Variants in RAP1GAP2 observed in about 807,000 individuals in gnomAD.
The protein encoded by RAP1GAP2 is RAP1 GTPase activating protein 2, also known as rap1 GTPase-activating protein 2.
Under a neutral mutation model 95.0 loss-of-function variants are expected in RAP1GAP2, and 27 were observed. The ratio of observed to expected loss-of-function variants is 0.28; its 90% CI spans 0.21 to 0.39. The LOEUF is 0.39. Among genes scored for constraint, RAP1GAP2 ranks in the 10% least tolerant of loss-of-function variants. The pLI, the probability that RAP1GAP2 is intolerant of heterozygous loss-of-function variation, is 1.00. For missense variants in RAP1GAP2, 771 were observed against 970.0 expected (o/e 0.79, Z 2.72); for synonymous variants, 373 against 380.9 (o/e 0.98, Z 0.24).
chr17:3,020,402 A>T, intron 18 of RAP1GAP2, 75 bp from the exon 19 acceptor site: 3 of 1,203,870 alleles, frequency 2.5e-6, no homozygotes, highest in Non-Finnish European at 3.6e-6. Flanking sequence ...CCATTTGTAG[A>T]CCAGGGAGGA....
rs374597833 is a variant in RAP1GAP2, at chr17:3,008,170, G to A, written c.1494+25G>A. On this transcript the variant is annotated intron_variant, in intron 17 of 24. Transcript: ENST00000254695. This position sits in a 1 kb window ranked among gnomAD's most constrained non-coding sequence, Gnocchi z 4.2. Reference sequence around the variant, plus strand: ...GGTATGAGCGTCAGAGTGACTGATGGTTGCTGTGGGGTTGGGATTGGGGAA... The same window carrying A: ...GGTATGAGCGTCAGAGTGACTGATGATTGCTGTGGGGTTGGGATTGGGGAA... 9.3e-6 allele frequency: 15 copies of A among 1,613,244 alleles called. No individual in the cohort carries two copies. The highest frequency in any genetic ancestry group is 1.3e-5 in the Non-Finnish European group (15 of 1,179,436).
At chr17:2,997,047 C>T (rs574399397) in intron 13 of RAP1GAP2, among the ~76,000 whole-genome samples, 1 of 152,290 alleles carries the variant, frequency 6.6e-6, no homozygotes, top group Non-Finnish European at 1.5e-5. Context: ...GCGATCATAG[C>T]TCACCGCGGC....
At chr17:2,917,907 C>T (rs1022694779) in intron 3 of RAP1GAP2, among the ~76,000 whole-genome samples, 13 of 147,596 alleles carry the variant, frequency 8.8e-5, no homozygotes, top group African/African-American at 3.0e-4. Flanking sequence ...GTAGAGATGG[C>T]GATTAACCAT....
chr17:2,930,485 T>A (rs1241628503), intron 3 of RAP1GAP2, among the ~76,000 whole-genome samples: 1 of 152,214 alleles, frequency 6.6e-6, no homozygotes, highest in African/African-American at 2.4e-5. Context: ...AATGGAGGCT[T>A]CTGTTACTTG....
At chr17:2,910,142 C>T (rs575943485) in intron 3 of RAP1GAP2, among the ~76,000 whole-genome samples, 61 of 152,340 alleles carry the variant, frequency 4.0e-4, no homozygotes, top group African/African-American at 1.4e-3. Flanking sequence ...CCGATTCTTT[C>T]CTTAACTTGA....
chr17:3,019,998 T>C (rs2046901553), intron 18 of RAP1GAP2, among the ~76,000 whole-genome samples: 1 of 152,208 alleles, frequency 6.6e-6, no homozygotes, highest in South Asian at 2.1e-4. Flanking sequence ...GTCTTGTTAT[T>C]GGAACGCCTG....
At chr17:2,945,067 A>G (rs942867145) in intron 3 of RAP1GAP2, among the ~76,000 whole-genome samples, 2 of 151,882 alleles carry the variant, frequency 1.3e-5, no homozygotes, top group Non-Finnish European at 1.5e-5. Flanking sequence ...AGTAGAGACG[A>G]GGTTTCACTG....
At chr17:2,926,519 G>C (rs777410449) in intron 3 of RAP1GAP2, among the ~76,000 whole-genome samples, 1 of 152,114 alleles carries the variant, frequency 6.6e-6, no homozygotes. Context: ...TCAGAGGCAC[G>C]GTGCCAGAGT....
At chr17:3,002,415 G>A (rs2046192407) in intron 14 of RAP1GAP2, among the ~76,000 whole-genome samples, 1 of 152,224 alleles carries the variant, frequency 6.6e-6, no homozygotes, top group South Asian at 2.1e-4. Context: ...GGCCAGACGT[G>A]TGAATGAGGC....
intron 3 of RAP1GAP2, among the ~76,000 whole-genome samples, chr17:2,934,989 G>A (rs186780557): frequency 1.6e-4 from 24 of 152,286 alleles, no homozygotes; most frequent in Admixed American, 5.9e-4. Context: ...AGACGGGTGG[G>A]ATTTGGCCTC....
At chr17:2,830,559 C>G (rs944755777) in intron 2 of RAP1GAP2, among the ~76,000 whole-genome samples, 3 of 151,392 alleles carry the variant, frequency 2.0e-5, no homozygotes, top group Non-Finnish European at 4.4e-5. Context: ...ACTAAAAATA[C>G]AAAAATTAGC....
chr17:2,756,576 C>G (rs1456073765), intron 1 of RAP1GAP2, among the ~76,000 whole-genome samples: 1 of 152,190 alleles, frequency 6.6e-6, no homozygotes, highest in African/African-American at 2.4e-5. Flanking sequence ...CAGCCCTCCC[C>G]GGACCTCGGA....
chr17:2,944,806 G>A (rs748527178), intron 3 of RAP1GAP2, among the ~76,000 whole-genome samples: 1 of 152,084 alleles, frequency 6.6e-6, no homozygotes, highest in Non-Finnish European at 1.5e-5. Context: ...AATGTCATTG[G>A]GCAATGTTTT....
upstream of RAP1GAP2, among the ~76,000 whole-genome samples, chr17:2,774,609 C>T (rs149355017): frequency 1.2e-4 from 18 of 145,808 alleles, no homozygotes; most frequent in South Asian, 4.5e-4. Context: ...GTAGCTGGGA[C>T]GACAGGCACT....
chr17:2,805,093 C>T (rs781591221), intron 2 of RAP1GAP2, among the ~76,000 whole-genome samples: 22 of 152,300 alleles, frequency 1.4e-4, no homozygotes, highest in Non-Finnish European at 2.6e-4. Context: ...CTACCCAGTG[C>T]CTGGCACAAA....
chr17:2,956,212 G>A (rs2044099728), intron 3 of RAP1GAP2, among the ~76,000 whole-genome samples: 1 of 152,236 alleles, frequency 6.6e-6, no homozygotes, highest in Admixed American at 6.5e-5. Flanking sequence ...ATGTTTGGCG[G>A]CTCACTTCTG....
intron 1 of RAP1GAP2, among the ~76,000 whole-genome samples, chr17:2,764,342 G>A (rs958495896): frequency 1.2e-4 from 18 of 152,014 alleles, no homozygotes; most frequent in African/African-American, 4.4e-4. Context: ...TGAGGCAGGC[G>A]AATTGCATGA....
intron 2 of RAP1GAP2, chr17:2,853,809 A>C (rs2071999434): frequency 3.7e-6 from 2 of 535,996 alleles, no homozygotes; most frequent in Non-Finnish European, 4.7e-6. Flanking sequence ...GAGACGCTGA[A>C]GGTCGCCGGG....
At chr17:2,981,695 G>A (rs981005065) in intron 10 of RAP1GAP2, among the ~76,000 whole-genome samples, 4 of 152,080 alleles carry the variant, frequency 2.6e-5, no homozygotes, top group African/African-American at 7.2e-5. Context: ...GCAGCTCTCC[G>A]GCCATATAAG....
Sources: gnomAD v4.1 joint callset for allele counts (sites outside exome capture counted in the v4.1 genomes callset) on GRCh38, gnomAD v4.1.1 for gene constraint, Gnocchi (gnomAD v3.1) non-coding constraint, MANE v1.5 for transcripts, NCBI Gene and HGNC (gene_info 2026-07-23, HGNC 2026-07-21) for gene names.